ABCC8: variants seen among roughly 807,000 people sequenced by gnomAD.
ABCC8 encodes ATP binding cassette subfamily C member 8.
A neutral mutation model predicts 188.0 loss-of-function variants in ABCC8; 137 were observed. The ratio of observed to expected loss-of-function variants is 0.73; its 90% CI spans 0.63 to 0.84. ABCC8 has a LOEUF of 0.84. Among genes scored for constraint, ABCC8 ranks in the 40% least tolerant of loss-of-function variants. The probability of loss-of-function intolerance (pLI) is 0.00; values close to 1 mark genes in which losing one functional copy is unlikely to be tolerated. For missense variants in ABCC8, 1,750 were observed against 2,072.7 expected (o/e 0.84, Z 3.02); for synonymous variants, 797 against 846.5 (o/e 0.94, Z 1.01).
At chr11:17,397,397 A>T (rs1023145905) in intron 31 of ABCC8, 84 bp from the exon 32 acceptor site, 2 of 1,593,724 alleles carry the variant, frequency 1.3e-6, no homozygotes, top group Admixed American at 1.7e-5. Context: ...TTAAGGCTGG[A>T]GAGGGGCCAG....
At chr11:17,395,752 C>T (rs1475719569) in intron 34 of ABCC8, 34 bp from the exon 35 acceptor site, 43 of 1,552,380 alleles carry the variant, frequency 2.8e-5, no homozygotes, top group Non-Finnish European at 3.5e-5. Flanking sequence ...CAGGGGAAGG[C>T]GGTGACTGCT....
intron 22 of ABCC8, 72 bp downstream of exon 22, chr11:17,410,444 G>C (rs541021360): frequency 2.0e-6 from 3 of 1,529,810 alleles, no homozygotes; most frequent in Admixed American, 3.4e-5. Context: ...ACAACGGATT[G>C]GTTCCTGCCA....
At position 17,448,636 on chromosome 11, in the gene ABCC8, G is replaced by A. The variant is rs138386829; in HGVS notation, c.1212C>T (p.Thr404=). Residue 404 remains threonine, a synonymous_variant, in exon 8 of 39, where the codon ACC becomes ACT. Transcript: ENST00000389817. ...KIYNKIMHLS[T]SNLSMGEMTA... is the part of the protein sequence containing the mutation. ...TCATTTCTCCCATGGACAGGTTGGA[G>A]GTGGACAGGTGCATAATTTTATTGT... 1.1e-5 allele frequency: 17 copies of A among 1,614,068 alleles called. No individual in the cohort carries two copies. The highest frequency in any genetic ancestry group is 1.4e-5 in the Non-Finnish European group (17 of 1,180,026).
In ABCC8 at chr11:17,450,326, C is replaced by CTT. The variant is rs1277082584; in HGVS notation, c.1177-1656_1177-1655insAA. Among the ~76,000 whole-genome samples, 137 of 108,820 alleles carry CTT rather than the reference C, an allele frequency of 1.3e-3. 2 individuals carry two copies. Among genetic ancestry groups the CTT allele is most frequent in the East Asian group, 5.8e-3 (24 of 4,172 alleles). 71.4% of individuals were successfully genotyped at this position (108,820 alleles called of 152,430 possible). A position where few individuals can be genotyped will look rare whatever the true frequency, so the allele number is the denominator to read the frequency against. ...TCTTTCTTTCTTTCTTTCTTTCTTT[C>CTT]TCTCTCTCTCTTTCCTTTCTTTCTT... On this transcript the variant is annotated intron_variant, in intron 7 of 38. Transcript: ENST00000389817.
intron 7 of ABCC8, among the ~76,000 whole-genome samples, chr11:17,451,182 C>T (rs1459674804): frequency 3.3e-5 from 5 of 152,142 alleles, no homozygotes; most frequent in Non-Finnish European, 7.3e-5. Context: ...TATTTAATTA[C>T]AAAACTGCCC....
intron 31 of ABCC8, 178 bp downstream of exon 31, chr11:17,397,506 G>T: frequency 7.1e-7 from 1 of 1,416,954 alleles, no homozygotes; most frequent in Non-Finnish European, 9.6e-7. Context: ...ACCTCCACCT[G>T]TCTGGGGCCT....
chr11:17,420,234 C>T (rs1955274327), intron 16 of ABCC8, among the ~76,000 whole-genome samples: 1 of 152,204 alleles, frequency 6.6e-6, no homozygotes. Flanking sequence ...CCCACAGCAT[C>T]CTTTCCAATT....
chr11:17,453,044 G>A, intron 7 of ABCC8, 75 bp downstream of exon 7: 1 of 1,299,444 alleles, frequency 7.7e-7, no homozygotes, highest in Non-Finnish European at 1.1e-6. Context: ...GTGTCCATGA[G>A]GATGAATAAC....
chr11:17,435,279 G>A (rs1956036733), intron 10 of ABCC8, among the ~76,000 whole-genome samples: 1 of 152,024 alleles, frequency 6.6e-6, no homozygotes, highest in Non-Finnish European at 1.5e-5. Context: ...ACAGGCAGTG[G>A]CACCCAAAGC....
At chr11:17,413,664 A>G in intron 19 of ABCC8, 186 bp from the exon 20 acceptor site, 1 of 1,240,852 alleles carries the variant, frequency 8.1e-7, no homozygotes, top group Non-Finnish European at 1.1e-6. Flanking sequence ...CACTTCACAC[A>G]GCGTTTGGGC....
chr11:17,395,018 CT>C, intron 36 of ABCC8, 153 bp downstream of exon 36: 1 of 986,088 alleles, frequency 1.0e-6, no homozygotes. Context: ...CCTGACCTCT[CT>C]GGGCCCCCGT....
intron 38 of ABCC8, among the ~76,000 whole-genome samples, chr11:17,393,379 T>TCC (rs917897525): frequency 6.6e-6 from 1 of 152,048 alleles, no homozygotes; most frequent in African/African-American, 2.4e-5. Flanking sequence ...TCAGAGACCC[T>TCC]CCACAACCCC....
intron 36 of ABCC8, among the ~76,000 whole-genome samples, chr11:17,394,781 C>T (rs756608344): frequency 3.3e-5 from 5 of 152,136 alleles, no homozygotes; most frequent in African/African-American, 7.2e-5. Context: ...TGCCAATCAC[C>T]GGTGGCCTTG....
chr11:17,407,795 T>G (rs770175584), intron 23 of ABCC8, among the ~76,000 whole-genome samples: 2 of 152,178 alleles, frequency 1.3e-5, no homozygotes, highest in Admixed American at 6.5e-5. Flanking sequence ...GGTGGGCACA[T>G]GACCAAACTG....
chr11:17,413,516 C>G (rs774896580), intron 19 of ABCC8, 38 bp from the exon 20 acceptor site: 1 of 1,612,864 alleles, frequency 6.2e-7, no homozygotes, highest in Non-Finnish European at 8.5e-7. Flanking sequence ...GCTGGTCAGC[C>G]TGGTCAGAGT....
intron 38 of ABCC8, 106 bp from the exon 39 acceptor site, chr11:17,393,234 A>C: frequency 6.8e-7 from 1 of 1,465,584 alleles, no homozygotes; most frequent in Non-Finnish European, 9.3e-7. Flanking sequence ...AGGATGAGGC[A>C]TGTGGCCAGA....
chr11:17,394,940 G>A lies in ABCC8; in HGVS notation c.4411+232C>T, dbSNP rs1953830539. On this transcript the variant is annotated intron_variant, in intron 36 of 38. Coordinates refer to ENST00000389817, the MANE Select transcript of ABCC8 (RefSeq NM_000352.6). ...CTCTGTCTCACAAGGATCCCTGACT[G>A]TACCCGCTGTACCCTGCAGGAGGAG... The A allele has an allele frequency of 1.3e-5, 8 of 595,256 alleles. No individual in the cohort carries two copies. The Admixed American group carries it at 1.8e-4, about 13-fold the overall frequency. The allele number at this position is 595,256 out of a possible 1,614,324, so 36.9% of individuals were successfully genotyped here.
At chr11:17,413,522 A>G in intron 19 of ABCC8, 44 bp from the exon 20 acceptor site, 1 of 1,612,730 alleles carries the variant, frequency 6.2e-7, no homozygotes, top group Non-Finnish European at 8.5e-7. Flanking sequence ...CAGCCTGGTC[A>G]GAGTTGGCCC....
In ABCC8 at chr11:17,415,245, G is replaced by A. The variant is rs1004493082; in HGVS notation, c.2291+59C>T. ...CAGCAGGGTGATGTGGCTCCCTTGG[G>A]CCTGAGAGCACCCTGGAGGGAGTTG... On this transcript the variant is annotated intron_variant, in intron 18 of 38. Coordinates refer to ENST00000389817, the MANE Select transcript of ABCC8 (RefSeq NM_000352.6). 8.9e-6 allele frequency: 14 copies of A among 1,576,376 alleles called. No homozygotes were observed. In the Admixed American group the frequency reaches 1.9e-4, roughly 21 times the overall value.
Sources: allele counts gnomAD v4.1 joint callset (sites outside exome capture counted in the v4.1 genomes callset), GRCh38; gene constraint gnomAD v4.1.1; transcripts MANE v1.5; gene names NCBI Gene and HGNC (gene_info 2026-07-23, HGNC 2026-07-21).